The following SPRY3 variants were observed in gnomAD, a reference collection of about 807,000 sequenced individuals.
SPRY3 encodes the protein sprouty RTK signaling antagonist 3, also known as protein sprouty homolog 3.
A neutral mutation model predicts 20.2 loss-of-function variants in SPRY3; 15 were observed. The ratio of observed to expected loss-of-function variants is 0.74; its 90% CI spans 0.50 to 1.14. The LOEUF is 1.14. Among genes scored for constraint, SPRY3 ranks in the 50% most tolerant of loss-of-function variants. The pLI, the probability that SPRY3 is intolerant of heterozygous loss-of-function variation, is 0.00. For synonymous variants in SPRY3, 143 were observed against 136.5 expected (o/e 1.05, Z -0.33); for missense variants, 364 against 363.9 (o/e 1.00, Z 0.00).
chrX:155,752,287 T>G (rs1405836910), intron 2 of SPRY3, among the ~76,000 whole-genome samples: 6 of 150,600 alleles, frequency 4.0e-5, no homozygotes, highest in Non-Finnish European at 8.9e-5. Flanking sequence ...CAAAGAGCTA[T>G]CAAAAAATAT....
chrX:155,638,329 T>G (rs868936164), intron 1 of SPRY3, among the ~76,000 whole-genome samples: 1 of 2,020 alleles, frequency 5.0e-4, no homozygotes, highest in Non-Finnish European at 2.2e-3. Flanking sequence ...TATATATATA[T>G]ATATATATAT....
At chrX:155,765,333 C>A (rs781716) in intron 2 of SPRY3, among the ~76,000 whole-genome samples, 2 of 152,046 alleles carry the variant, frequency 1.3e-5, no homozygotes, top group Admixed American at 6.5e-5. Flanking sequence ...GATCTGCAAA[C>A]TGCCAACTGT....
chrX:155,657,481 C>G, intron 2 of SPRY3, among the ~76,000 whole-genome samples: 2 of 112,333 alleles, frequency 1.8e-5, no homozygotes, highest in Middle Eastern at 4.6e-3. Context: ...TCAATCTTTC[C>G]AGGTCAACCT....
At chrX:155,752,422 C>T (rs1162371659) in intron 2 of SPRY3, among the ~76,000 whole-genome samples, 1 of 150,908 alleles carries the variant, frequency 6.6e-6, no homozygotes, top group Non-Finnish European at 1.5e-5. Flanking sequence ...CAATTTAAAA[C>T]ATTTGCAAAG....
At position 155,691,486 on chromosome X, in the gene SPRY3, G is replaced by T. The variant is rs111534001; in HGVS notation, c.-282+34461G>T. Among the ~76,000 whole-genome samples the T allele has an allele frequency of 2.3e-3, 203 of 88,013 alleles. 53 individuals carry two copies. The highest frequency in any genetic ancestry group is 0.011 in the African/African-American group (198 of 18,359). The allele number at this position is 88,013 out of a possible 115,157, so 76.4% of individuals were successfully genotyped here. ...ATAGATGATTCTGATGATTCAGAAG[G>T]TTCTGATGTTAGTTCTGTTTAGAAA... On this transcript the variant is annotated intron_variant, in intron 2 of 3. Transcript: ENST00000675360.
intron 2 of SPRY3, among the ~76,000 whole-genome samples, chrX:155,697,880 A>G (rs2068124495): frequency 9.0e-6 from 1 of 110,910 alleles, no homozygotes; most frequent in African/African-American, 3.3e-5. Context: ...TATAAATAAC[A>G]GAAAACCTAA....
chrX:155,710,942 T>C (rs928333717), intron 2 of SPRY3, among the ~76,000 whole-genome samples: 5 of 151,714 alleles, frequency 3.3e-5, no homozygotes, highest in African/African-American at 1.2e-4. Flanking sequence ...TTTTTGTCCT[T>C]CATTCTGTTG....
At chrX:155,713,757 A>G (rs1198638369) in intron 2 of SPRY3, among the ~76,000 whole-genome samples, 1 of 144,404 alleles carries the variant, frequency 6.9e-6, no homozygotes, top group Non-Finnish European at 1.5e-5. Context: ...ACATTCTGTC[A>G]TATAATGTCT....
At chrX:155,705,223 G>T (rs1262858948) in intron 2 of SPRY3, among the ~76,000 whole-genome samples, 1 of 151,476 alleles carries the variant, frequency 6.6e-6, no homozygotes, top group Non-Finnish European at 1.5e-5. Flanking sequence ...GCTAACAAAA[G>T]CACAATGGAT....
chrX:155,627,942 A>T (rs1048538844), intron 1 of SPRY3, among the ~76,000 whole-genome samples: 6 of 110,176 alleles, frequency 5.4e-5, no homozygotes, highest in Non-Finnish European at 1.1e-4. Context: ...TTTGCTGAAG[A>T]TGATGACTTC....
At chrX:155,705,762 G>T (rs1214848889) in intron 2 of SPRY3, among the ~76,000 whole-genome samples, 2 of 151,242 alleles carry the variant, frequency 1.3e-5, no homozygotes, top group African/African-American at 4.8e-5. Flanking sequence ...TATTAACAGG[G>T]ATATAGAGAG....
intron 2 of SPRY3, among the ~76,000 whole-genome samples, chrX:155,741,622 C>G (rs1338402654): frequency 6.6e-6 from 1 of 152,092 alleles, no homozygotes; most frequent in African/African-American, 2.4e-5. Context: ...AGGTCACCTA[C>G]AAAGGGAAGC....
At chrX:155,653,702 A>T (rs2067983882) in intron 1 of SPRY3, among the ~76,000 whole-genome samples, 1 of 112,021 alleles carries the variant, frequency 8.9e-6, no homozygotes, top group Non-Finnish European at 1.9e-5. Context: ...CCAACTTTTT[A>T]TTTTGTTTTC....
chrX:155,759,008 G>C (rs1465018731), intron 2 of SPRY3, among the ~76,000 whole-genome samples: 1 of 151,204 alleles, frequency 6.6e-6, no homozygotes, highest in Non-Finnish European at 1.5e-5. Flanking sequence ...GAAACATGTT[G>C]TTTTGACATC....
chrX:155,759,022 A>G (rs1018157765), intron 2 of SPRY3, among the ~76,000 whole-genome samples: 2 of 151,022 alleles, frequency 1.3e-5, no homozygotes, highest in African/African-American at 4.9e-5. Flanking sequence ...TGACATCTTT[A>G]TATCTTTGTG....
Position 155,767,578 on chromosome X carries a change from G to A in SPRY3, c.-281-384G>A, listed in dbSNP as rs188804924. Among the ~76,000 whole-genome samples the A allele has an allele frequency of 6.6e-3, 994 of 150,078 alleles. 6 individuals carry two copies. Among genetic ancestry groups the A allele is most frequent in the African/African-American group, 0.023 (924 of 40,630 alleles). ...AAGAGGAGGGGGAGGAGGTAAAGGA[G>A]GAAGAAGGGGAGGAGGGAAAGGGGA... On this transcript the variant is annotated intron_variant, in intron 2 of 3. Transcript: ENST00000675360.
downstream of SPRY3, chrX:155,780,371 T>C (rs1489693586): frequency 6.0e-6 from 1 of 166,966 alleles, no homozygotes; most frequent in Non-Finnish European, 1.5e-5. Context: ...GTTGACCATA[T>C]GTGAACCCTG....
intron 1 of SPRY3, among the ~76,000 whole-genome samples, chrX:155,630,685 G>A (rs1309583084): frequency 1.8e-5 from 2 of 110,951 alleles, no homozygotes; most frequent in African/African-American, 6.5e-5. Flanking sequence ...ATTTTTAATA[G>A]TTTGGTCATA....
At chrX:155,616,107 T>TCCCTCC (rs201379056) in intron 1 of SPRY3, among the ~76,000 whole-genome samples, 1 of 52,322 alleles carries the variant, frequency 1.9e-5, no homozygotes, top group East Asian at 7.7e-4. Flanking sequence ...GGGGTCTCTC[T>TCCCTCC]CTCTCTCTCT....
Sources: gnomAD v4.1 joint callset for allele counts (sites outside exome capture counted in the v4.1 genomes callset) on GRCh38, gnomAD v4.1.1 for gene constraint, MANE v1.5 for transcripts, NCBI Gene and HGNC (gene_info 2026-07-23, HGNC 2026-07-21) for gene names.